The following PPM1H variants were observed in gnomAD, a reference collection of about 807,000 sequenced individuals.
PPM1H encodes the protein protein phosphatase, Mg2+/Mn2+ dependent 1H, also known as protein phosphatase 1H.
Under a neutral mutation model 54.9 loss-of-function variants are expected in PPM1H, and 27 were observed. The ratio of observed to expected loss-of-function variants is 0.49; its 90% CI spans 0.36 to 0.68. PPM1H has a LOEUF of 0.68. PPM1H is among the 30% of genes least tolerant of loss of function. The pLI is 0.00. For missense variants in PPM1H, 596 were observed against 667.8 expected, an observed-to-expected ratio of 0.89 and a Z score of 1.19; for synonymous variants, 305 against 270.8, an observed-to-expected ratio of 1.13 and a Z score of -1.24.
chr12:62,665,467 T>C (rs1194320288), intron 9 of PPM1H, among the ~76,000 whole-genome samples: 2 of 152,226 alleles, frequency 1.3e-5, no homozygotes, highest in African/African-American at 4.8e-5. Flanking sequence ...GTTTATCCTT[T>C]TGGAATTCTT....
chr12:62,726,669 C>T (rs954089401), intron 5 of PPM1H, among the ~76,000 whole-genome samples: 6 of 152,080 alleles, frequency 3.9e-5, no homozygotes, highest in Non-Finnish European at 8.8e-5. Flanking sequence ...ATGTTTTGTC[C>T]GCAAACGCAG....
chr12:62,774,040 G>A (rs12303297), intron 4 of PPM1H, among the ~76,000 whole-genome samples: 3,184 of 152,286 alleles, frequency 0.021, 111 homozygotes, highest in African/African-American at 0.073. Context: ...TAAGTGATAT[G>A]TCTGACAAAA....
intron 5 of PPM1H, among the ~76,000 whole-genome samples, chr12:62,722,534 A>G (rs570206127): frequency 6.6e-6 from 1 of 152,296 alleles, no homozygotes; most frequent in East Asian, 1.9e-4. Flanking sequence ...ACCTACACAC[A>G]CATTTTTACA....
chr12:62,800,210 C>T (rs1394568180), intron 3 of PPM1H, among the ~76,000 whole-genome samples: 1 of 152,212 alleles, frequency 6.6e-6, no homozygotes, highest in Non-Finnish European at 1.5e-5. Flanking sequence ...TCTTAGCACA[C>T]TACCTGATGC....
chr12:62,814,296 T>C (rs1196046817), intron 2 of PPM1H, among the ~76,000 whole-genome samples: 1 of 152,144 alleles, frequency 6.6e-6, no homozygotes, highest in Non-Finnish European at 1.5e-5. Context: ...TTGCCCAAGC[T>C]AGTCTGGAAC....
Position 62,684,859 on chromosome 12 carries a change from C to T in PPM1H, c.1245+4840G>A, listed in dbSNP as rs577488711. 3.2e-4 allele frequency among the ~76,000 whole-genome samples: 48 copies of T among 152,244 alleles called. No homozygotes were observed. In the South Asian group the frequency reaches 9.3e-3, roughly 30 times the overall value. On this transcript the variant is annotated intron_variant, in intron 8 of 9. Transcript: ENST00000228705. The stretch of plus-strand genomic sequence containing the variant: ...TCTAGGCTCCCAACAGAGGCCACTT[C>T]TCATGGGAATGCTTTTGTCACTACC...
At chr12:62,684,438 A>G (rs2076040621) in intron 8 of PPM1H, among the ~76,000 whole-genome samples, 2 of 151,718 alleles carry the variant, frequency 1.3e-5, no homozygotes, top group Admixed American at 6.6e-5. Context: ...GAAACCCTTC[A>G]CTAATTTTTA....
chr12:62,774,432 C>A (rs2076597818), intron 4 of PPM1H, among the ~76,000 whole-genome samples: 1 of 152,170 alleles, frequency 6.6e-6, no homozygotes, highest in Non-Finnish European at 1.5e-5. Context: ...GCCTCAGCCT[C>A]CTGGGCTCAA....
In PPM1H at chr12:62,934,437, G is replaced by A. The variant is rs1809077675; in HGVS notation, c.245+55C>T. The A allele has an allele frequency of 2.0e-6, 3 of 1,487,158 alleles. No homozygotes were observed. The highest frequency in any genetic ancestry group is 2.2e-5 in the Admixed American group (1 of 46,452). The allele number at this position is 1,487,158 out of a possible 1,614,324, so 92.1% of individuals were successfully genotyped here. ...GCAGGGAGAGAAGAGGGCTGGAACC[G>A]TGCGGGGAAGGGCCGCGAGGAGAGC... On this transcript the variant is annotated intron_variant, in intron 1 of 9. Transcript: ENST00000228705. The surrounding 1 kb of genome is among the most constrained non-coding windows in gnomAD (Gnocchi z 4.2).
At chr12:62,760,147 A>T (rs967892939) in intron 4 of PPM1H, among the ~76,000 whole-genome samples, 4 of 152,212 alleles carry the variant, frequency 2.6e-5, no homozygotes, top group African/African-American at 9.6e-5. Flanking sequence ...GGTTCTAAAT[A>T]GCCAGAAAAT....
At chr12:62,762,594 G>A (rs1394394909) in intron 4 of PPM1H, among the ~76,000 whole-genome samples, 4 of 152,220 alleles carry the variant, frequency 2.6e-5, no homozygotes, top group South Asian at 2.1e-4. Context: ...GGGTGCTAGG[G>A]GGAGGATGCT....
intron 1 of PPM1H, among the ~76,000 whole-genome samples, chr12:62,865,699 T>C (rs942328368): frequency 1.8e-4 from 27 of 152,114 alleles, no homozygotes; most frequent in African/African-American, 4.8e-5. Flanking sequence ...GGTTTTGCCA[T>C]GTTGCCCAGG....
chr12:62,856,412 T>C lies in PPM1H; in HGVS notation c.246-24133A>G, dbSNP rs375026836. ...ATCTTTCAGAGATCACTATCTTTTGTTGCCTGATGCCCAGTGTCCCACAAA... is the reference window on the plus strand; with the variant it reads ...ATCTTTCAGAGATCACTATCTTTTGCTGCCTGATGCCCAGTGTCCCACAAA... On this transcript the variant is annotated intron_variant, in intron 1 of 9. Coordinates refer to ENST00000228705, the MANE Select transcript of PPM1H (RefSeq NM_020700.2). Among the ~76,000 whole-genome samples the C allele has an allele frequency of 2.6e-5, 4 of 152,322 alleles. No individual in the cohort carries two copies. In the East Asian group the frequency reaches 7.7e-4, roughly 29 times the overall value.
At chr12:62,761,646 C>T (rs2076510115) in intron 4 of PPM1H, among the ~76,000 whole-genome samples, 1 of 151,844 alleles carries the variant, frequency 6.6e-6, no homozygotes, top group Non-Finnish European at 1.5e-5. Flanking sequence ...CCTCATTTCC[C>T]CATAAAAAAA....
chr12:62,857,928 T>C (rs1050175374), intron 1 of PPM1H, among the ~76,000 whole-genome samples: 8 of 152,202 alleles, frequency 5.3e-5, no homozygotes, highest in Non-Finnish European at 1.0e-4. Context: ...CATATATTTT[T>C]ATATGATAAT....
At chr12:62,886,462 T>TA (rs907066657) in intron 1 of PPM1H, among the ~76,000 whole-genome samples, 3 of 152,148 alleles carry the variant, frequency 2.0e-5, no homozygotes, top group Non-Finnish European at 4.4e-5. Context: ...ATTTTTTTTT[T>TA]AACAATAAAC....
intron 3 of PPM1H, among the ~76,000 whole-genome samples, chr12:62,793,675 G>T (rs764696633): frequency 7.1e-6 from 1 of 141,716 alleles, no homozygotes; most frequent in Non-Finnish European, 1.5e-5. Context: ...GGTGAGCCCA[G>T]ATCGCGCCAA....
intron 2 of PPM1H, among the ~76,000 whole-genome samples, chr12:62,825,241 T>A (rs916604663): frequency 5.9e-5 from 9 of 152,210 alleles, no homozygotes; most frequent in Admixed American, 1.3e-4. Context: ...AAACAACAGA[T>A]GCTGGAGAGG....
chr12:62,820,484 C>T (rs760928085), intron 2 of PPM1H, among the ~76,000 whole-genome samples: 4 of 152,230 alleles, frequency 2.6e-5, no homozygotes, highest in Non-Finnish European at 2.9e-5. Context: ...CTGGGAGGCA[C>T]CTCCCATTAG....
Sources: allele counts gnomAD v4.1 joint callset (sites outside exome capture counted in the v4.1 genomes callset), GRCh38; gene constraint gnomAD v4.1.1; non-coding constraint Gnocchi (gnomAD v3.1); transcripts MANE v1.5; gene names NCBI Gene and HGNC (gene_info 2026-07-23, HGNC 2026-07-21).